The following RABGAP1L variants were observed in gnomAD, a reference collection of about 807,000 sequenced individuals.
RABGAP1L encodes the protein rab GTPase-activating protein 1-like.
In RABGAP1L, 63 loss-of-function variants were observed where a neutral mutation model predicts 137.7. The observed-to-expected ratio is 0.46, with a 90% CI of 0.37 to 0.56. RABGAP1L has a LOEUF of 0.56. RABGAP1L is among the 20% of genes least tolerant of loss of function. RABGAP1L has a pLI of 0.00. For missense variants in RABGAP1L, 1,095 were observed against 1,244.0 expected (o/e 0.88, Z 1.80); for synonymous variants, 431 against 433.7 (o/e 0.99, Z 0.08).
intron 19 of RABGAP1L, among the ~76,000 whole-genome samples, chr1:174,929,672 G>A (rs1231962029): frequency 6.6e-6 from 1 of 151,650 alleles, no homozygotes; most frequent in African/African-American, 2.4e-5. Context: ...GAGCCCAAGA[G>A]GTCGAGGCTA....
At chr1:174,281,301 C>T (rs981119831) in intron 10 of RABGAP1L, among the ~76,000 whole-genome samples, 1 of 152,112 alleles carries the variant, frequency 6.6e-6, no homozygotes, top group South Asian at 2.1e-4. Flanking sequence ...GTCCATTTTA[C>T]AGAGCGCTGA....
intron 17 of RABGAP1L, among the ~76,000 whole-genome samples, chr1:174,745,624 A>C (rs1683806995): frequency 6.6e-6 from 1 of 152,218 alleles, no homozygotes; most frequent in South Asian, 2.1e-4. Flanking sequence ...CCATCTCTAA[A>C]ATGGTGGCAA....
rs1236449843 is a variant in RABGAP1L at position 174,637,309 on chromosome 1, T to TATATATTATATACATG, written c.1711-66_1711-65insATATATTATATACATG. 5 of 1,086,166 alleles carry TATATATTATATACATG rather than the reference T, an allele frequency of 4.6e-6. No individual in the cohort carries two copies. The African/African-American group carries it at 6.4e-5, about 14-fold the overall frequency. The allele number at this position is 1,086,166 out of a possible 1,614,324, so 67.3% of individuals were successfully genotyped here. A position where few individuals can be genotyped will look rare whatever the true frequency, so the allele number is the denominator to read the frequency against. On this transcript the variant is annotated intron_variant, in intron 13 of 25. Coordinates refer to ENST00000681986, the MANE Select transcript of RABGAP1L (RefSeq NM_001366446.1). ...CTTGCTGTTTGAGTTTTTTACCATG[T>TATATATTATATACATG]GTATATATTATATTTCATAACTGGG... is the stretch of plus-strand genomic sequence containing the variant.
chr1:174,446,406 A>C (rs1488584646), intron 13 of RABGAP1L, among the ~76,000 whole-genome samples: 1 of 152,212 alleles, frequency 6.6e-6, no homozygotes, highest in Admixed American at 6.5e-5. Context: ...GCTTTCTGTT[A>C]AGCTGCTGCA....
intron 9 of RABGAP1L, among the ~76,000 whole-genome samples, chr1:174,277,285 A>C (rs1675081189): frequency 1.3e-5 from 2 of 152,012 alleles, no homozygotes; most frequent in Admixed American, 1.3e-4. Context: ...TTATTTCTGG[A>C]GACAGGCTTG....
intron 19 of RABGAP1L, chr1:174,945,935 CTCTT>C (rs750196004): frequency 1.3e-5 from 2 of 151,996 alleles, no homozygotes; most frequent in Non-Finnish European, 2.9e-5. Flanking sequence ...AGTCTGCCCC[CTCTT>C]AAGACTTTAT....
chr1:174,645,246 T>C (rs1674868070), intron 14 of RABGAP1L, among the ~76,000 whole-genome samples: 2 of 152,128 alleles, frequency 1.3e-5, no homozygotes. Flanking sequence ...ATATATATCT[T>C]TTCAATTATA....
chr1:174,412,890 A>G (rs1650110850), intron 13 of RABGAP1L, among the ~76,000 whole-genome samples: 1 of 152,110 alleles, frequency 6.6e-6, no homozygotes, highest in Non-Finnish European at 1.5e-5. Flanking sequence ...AGCTGTCTTT[A>G]AAATTTTTTT....
At chr1:174,967,458 CTCCCGAGTAGCTGA>C (rs1452517272) in intron 20 of RABGAP1L, among the ~76,000 whole-genome samples, 1 of 151,862 alleles carries the variant, frequency 6.6e-6, no homozygotes, top group Non-Finnish European at 1.5e-5. Flanking sequence ...CTGCCTCAGC[CTCCCGAGTAGCTGA>C]GATTACAGGT....
At chr1:174,475,772 T>TAAA (rs61597461) in intron 13 of RABGAP1L, among the ~76,000 whole-genome samples, 11,021 of 69,872 alleles carry the variant, frequency 0.16, 1,450 homozygotes, top group Non-Finnish European at 0.19. Context: ...CCCCGTGTCT[T>TAAA]AAAAAAAAAA....
chr1:174,675,993 T>C (rs1169125394), intron 14 of RABGAP1L, among the ~76,000 whole-genome samples: 1 of 151,690 alleles, frequency 6.6e-6, no homozygotes, highest in Non-Finnish European at 1.5e-5. Context: ...TTTTTTGAAG[T>C]AAAAGAAAGA....
chr1:174,205,223 T>C (rs1368098367), intron 1 of RABGAP1L, among the ~76,000 whole-genome samples: 1 of 152,198 alleles, frequency 6.6e-6, no homozygotes, highest in Admixed American at 6.5e-5. Context: ...TTGAGGATTT[T>C]TGCGTTGATG....
At chr1:174,907,817 T>G (rs983027637) in intron 19 of RABGAP1L, among the ~76,000 whole-genome samples, 1 of 152,146 alleles carries the variant, frequency 6.6e-6, no homozygotes, top group Non-Finnish European at 1.5e-5. Flanking sequence ...TCCTTACTTA[T>G]CAATAATAAC....
chr1:174,504,463 A>G (rs954647668), intron 13 of RABGAP1L, among the ~76,000 whole-genome samples: 1 of 151,986 alleles, frequency 6.6e-6, no homozygotes, highest in Non-Finnish European at 1.5e-5. Context: ...GCATAACACA[A>G]CCTGACTTCA....
chr1:174,613,605 A>G (rs1299259986), intron 13 of RABGAP1L, among the ~76,000 whole-genome samples: 1 of 151,976 alleles, frequency 6.6e-6, no homozygotes, highest in Non-Finnish European at 1.5e-5. Context: ...CAATTCCTGG[A>G]TATCCTTGTT....
chr1:174,887,615 G>C (rs1020232695), intron 19 of RABGAP1L, among the ~76,000 whole-genome samples: 25 of 151,820 alleles, frequency 1.6e-4, no homozygotes, highest in South Asian at 8.3e-4. Context: ...AAAAACTTGG[G>C]GGGGGGGTCA....
intron 19 of RABGAP1L, among the ~76,000 whole-genome samples, chr1:174,868,476 A>C (rs980884320): frequency 6.6e-5 from 10 of 152,168 alleles, no homozygotes; most frequent in Non-Finnish European, 1.5e-5. Flanking sequence ...TTTGTTGGTC[A>C]GTTCTTAGTT....
chr1:174,988,824 A>C lies in RABGAP1L; in HGVS notation c.2989A>C (p.Lys997Gln). 6.5e-7 allele frequency: 1 copy of C among 1,540,474 alleles called. No homozygotes were observed. Among genetic ancestry groups the C allele is most frequent in the Non-Finnish European group, 8.7e-7 (1 of 1,143,658 alleles). ...AQTKLQLVEA[K>Q]CKIQELEHQR... Reference sequence around the variant, plus strand: ...AACCAAACTGCAGTTGGTGGAGGCCAAGTGTAAAATTCAGGTTGGTGATTT... The same window carrying C: ...AACCAAACTGCAGTTGGTGGAGGCCCAGTGTAAAATTCAGGTTGGTGATTT... Residue 997 changes from lysine (K) to glutamine (Q), a missense_variant, in exon 25 of 26, where the codon AAG becomes CAG. Physicochemically the swap from Lys to Gln is moderately conservative, Grantham distance 53. Coordinates refer to ENST00000681986, the MANE Select transcript of RABGAP1L (RefSeq NM_001366446.1).
chr1:174,368,690 C>A (rs1016325142), intron 11 of RABGAP1L, among the ~76,000 whole-genome samples: 12 of 151,936 alleles, frequency 7.9e-5, no homozygotes, highest in Admixed American at 7.9e-4. Flanking sequence ...GTGAAAATAG[C>A]CATTTGTCAA....
Sources: allele counts gnomAD v4.1 joint callset (sites outside exome capture counted in the v4.1 genomes callset), GRCh38; gene constraint gnomAD v4.1.1; transcripts MANE v1.5; gene names NCBI Gene and HGNC (gene_info 2026-07-23, HGNC 2026-07-21).